EHHADH: variants seen among roughly 807,000 people sequenced by gnomAD.
EHHADH encodes enoyl-CoA hydratase and 3-hydroxyacyl CoA dehydrogenase.
EHHADH carries 48 observed loss-of-function variants against 64.4 expected under a neutral mutation model. The ratio of observed to expected loss-of-function variants is 0.75; its 90% confidence interval spans 0.59 to 0.95. The LOEUF is 0.95. EHHADH is among the 40% of genes least tolerant of loss of function. EHHADH has a pLI of 0.00. For missense variants in EHHADH, 854 were observed against 876.6 expected (o/e 0.97, Z 0.33); for synonymous variants, 308 against 326.7 (o/e 0.94, Z 0.62).
At chr3:185,222,692 A>C (rs373851344) in intron 4 of EHHADH, among the ~76,000 whole-genome samples, 6 of 152,234 alleles carry the variant, frequency 3.9e-5, no homozygotes, top group African/African-American at 1.4e-4. Context: ...GAGAAAGGCA[A>C]GTAATGTCTT....
At chr3:185,202,966 G>C (rs187680378) in intron 6 of EHHADH, among the ~76,000 whole-genome samples, 33 of 148,876 alleles carry the variant, frequency 2.2e-4, no homozygotes, top group Admixed American at 5.4e-4. Flanking sequence ...AGGGTAGATT[G>C]GTGGTTGCCA....
intron 4 of EHHADH, among the ~76,000 whole-genome samples, chr3:185,228,280 G>GGAGAGAGAGAGA (rs35818610): frequency 6.3e-5 from 6 of 95,574 alleles, no homozygotes; most frequent in African/African-American, 1.5e-4. Flanking sequence ...ATATATATAT[G>GGAGAGAGAGAGA]GAGAGAGAGA....
At chr3:185,196,332 T>A (rs145471595) in intron 6 of EHHADH, among the ~76,000 whole-genome samples, 293 of 152,314 alleles carry the variant, frequency 1.9e-3, no homozygotes, top group African/African-American at 6.9e-3. Flanking sequence ...TAGAAGCAAT[T>A]TGAATGTTCA....
At chr3:185,244,034 T>C (rs1315401371) in intron 2 of EHHADH, among the ~76,000 whole-genome samples, 1 of 152,210 alleles carries the variant, frequency 6.6e-6, no homozygotes, top group Admixed American at 6.5e-5. Context: ...GAGTTGTCCA[T>C]TTTGGGATGC....
At chr3:185,232,535 G>A (rs557820149) in intron 3 of EHHADH, among the ~76,000 whole-genome samples, 10 of 152,098 alleles carry the variant, frequency 6.6e-5, no homozygotes, top group Middle Eastern at 3.4e-3. Context: ...TGCAACCTCC[G>A]TCTCCTGGGT....
chr3:185,218,364 A>G (rs2108637476), intron 4 of EHHADH, 124 bp from the exon 5 acceptor site: 2 of 551,258 alleles, frequency 3.6e-6, no homozygotes, highest in South Asian at 3.3e-5. Context: ...ATTGAATAAA[A>G]TAAGTAAGAA....
At chr3:185,249,249 C>T (rs1262927687) in intron 1 of EHHADH, among the ~76,000 whole-genome samples, 1 of 152,132 alleles carries the variant, frequency 6.6e-6, no homozygotes, top group Non-Finnish European at 1.5e-5. Flanking sequence ...CTGACTCAGC[C>T]TCCTGAGTAG....
chr3:185,248,816 C>CAATTTA (rs1719666859), intron 1 of EHHADH, among the ~76,000 whole-genome samples: 1 of 152,086 alleles, frequency 6.6e-6, no homozygotes, highest in Admixed American at 6.5e-5. Context: ...TGACACCAAC[C>CAATTTA]AATTTAAAAA....
rs555300641 is a variant in EHHADH, at chr3:185,248,504, G to A, written c.88C>T (p.Arg30Cys). The A allele has an allele frequency of 9.9e-6, 16 of 1,608,744 alleles. No homozygotes were observed. The highest frequency in any genetic ancestry group is 4.0e-5 in the African/African-American group (3 of 74,794). ...TTCTGTAGTCCTTCTTTTATGTCAC[G>A]GAGTAAAGTCGTACTAAAAGAAAAC... ...PVNAISTTLLRDIKEGLQKAV... is the reference protein window; with the variant it reads ...PVNAISTTLLCDIKEGLQKAV... Residue 30 changes from arginine to cysteine, a missense_variant, in exon 2 of 7, where the codon CGT becomes TGT. Physicochemically the swap from Arg to Cys is radical, Grantham distance 180 (BLOSUM62 -3). Coordinates refer to ENST00000231887, the MANE Select transcript of EHHADH (RefSeq NM_001966.4).
chr3:185,192,270 TC>T lies in EHHADH; in HGVS notation c.2127del (p.Glu711AsnfsTer31), dbSNP rs1717892482. The T allele has an allele frequency of 1.2e-6, 2 of 1,613,966 alleles. No individual in the cohort carries two copies. The highest frequency in any genetic ancestry group is 1.7e-6 in the Non-Finnish European group (2 of 1,180,018). On this transcript the variant is annotated frameshift_variant, in exon 7 of 7. Coordinates refer to ENST00000231887, the MANE Select transcript of EHHADH (RefSeq NM_001966.4). LOFTEE classifies it high-confidence loss of function. ...GAGCCTGCCAAGCTTTGCCATTCTT[TC>T]AGGGGAGGGTTTCCCTGAGAAGCCA... ...KKLASQGNPP[L>X]KEWQSLAGSP...
At chr3:185,209,374 TG>T (rs1195926172) in intron 5 of EHHADH, among the ~76,000 whole-genome samples, 1 of 152,208 alleles carries the variant, frequency 6.6e-6, no homozygotes, top group Non-Finnish European at 1.5e-5. Flanking sequence ...CTTTACAGAA[TG>T]ATTCCAAAGT....
chr3:185,236,839 G>T (rs1251024614), intron 2 of EHHADH, among the ~76,000 whole-genome samples: 1 of 152,158 alleles, frequency 6.6e-6, no homozygotes, highest in African/African-American at 2.4e-5. Flanking sequence ...GATAATAACA[G>T]AAATGAACAA....
At chr3:185,233,051 T>C (rs1428547645) in intron 3 of EHHADH, among the ~76,000 whole-genome samples, 1 of 152,078 alleles carries the variant, frequency 6.6e-6, no homozygotes, top group African/African-American at 2.4e-5. Context: ...TGATAAAGAG[T>C]AACTTCATGG....
At chr3:185,228,280 G>GGA (rs35818610) in intron 4 of EHHADH, among the ~76,000 whole-genome samples, 7,106 of 95,434 alleles carry the variant, frequency 0.074, 379 homozygotes, top group Admixed American at 0.11. Flanking sequence ...ATATATATAT[G>GGA]GAGAGAGAGA....
At chr3:185,222,411 C>A (rs1718861650) in intron 4 of EHHADH, among the ~76,000 whole-genome samples, 1 of 152,026 alleles carries the variant, frequency 6.6e-6, no homozygotes, top group Admixed American at 6.5e-5. Context: ...AAAGAAAAAT[C>A]ACTGCAAGCT....
intron 4 of EHHADH, among the ~76,000 whole-genome samples, chr3:185,222,931 T>G (rs990371123): frequency 6.6e-6 from 1 of 152,232 alleles, no homozygotes; most frequent in African/African-American, 2.4e-5. Context: ...CTGGGGAAGC[T>G]TGCAGGATTC....
rs959831617 is a variant in EHHADH, at chr3:185,190,696, C to A, written c.*1530G>T. The A allele has an allele frequency of 9.2e-5, 14 of 152,110 alleles. No individual in the cohort carries two copies. Among genetic ancestry groups the A allele is most frequent in the Admixed American group, 9.2e-4 (14 of 15,280 alleles). 9.4% of individuals were successfully genotyped at this position (152,110 alleles called of 1,614,324 possible). A position where few individuals can be genotyped will look rare whatever the true frequency, so the allele number is the denominator to read the frequency against. ...CCAAATTATATAAAATTAAGTAGTA[C>A]ACATTTCAAACATAATAATTGTGCT... On this transcript the variant is annotated 3_prime_UTR_variant, in exon 7 of 7. Transcript: ENST00000231887.
At chr3:185,234,746 G>A (rs1442153716) in intron 3 of EHHADH, among the ~76,000 whole-genome samples, 1 of 152,174 alleles carries the variant, frequency 6.6e-6, no homozygotes, top group Non-Finnish European at 1.5e-5. Context: ...TAAGGTTAAG[G>A]GAAACAAGGG....
intron 6 of EHHADH, among the ~76,000 whole-genome samples, chr3:185,204,054 A>G (rs1169785909): frequency 6.7e-6 from 1 of 149,132 alleles, no homozygotes; most frequent in Admixed American, 6.8e-5. Flanking sequence ...AATCACTTGA[A>G]CCTGGGAGGT....
Sources: allele counts gnomAD v4.1 joint callset (sites outside exome capture counted in the v4.1 genomes callset), GRCh38; gene constraint gnomAD v4.1.1; transcripts MANE v1.5; gene names NCBI Gene and HGNC (gene_info 2026-07-23, HGNC 2026-07-21).